The following RASEF variants were observed in gnomAD, a reference collection of about 807,000 sequenced individuals.
RASEF encodes the protein ras and EF-hand domain-containing protein.
In RASEF, 68 loss-of-function variants were observed where a neutral mutation model predicts 90.1. That is an observed-to-expected ratio of 0.75 (90% CI 0.62 to 0.92). The LOEUF is 0.92. Ranked by LOEUF, RASEF falls within the 40% of genes least tolerant of loss-of-function variation. RASEF has a pLI of 0.00. For synonymous variants in RASEF, 331 were observed against 345.2 expected, an observed-to-expected ratio of 0.96 and a Z score of 0.46; for missense variants, 949 against 937.2, an observed-to-expected ratio of 1.01 and a Z score of -0.16.
the RASEF span, among the ~76,000 whole-genome samples, chr9:83,144,393 AAAGAAAGAAAGAAAGAAAG>A: frequency 1.5e-4 from 21 of 144,118 alleles, 1 homozygote; most frequent in African/African-American, 4.4e-4. Context: ...GAAAGAAAGG[AAAGAAAGAAAGAAAGAAAG>A]AAAGAAAAGA....
chr9:83,016,869 T>G (rs1052766318), intron 3 of RASEF, among the ~76,000 whole-genome samples: 1 of 152,196 alleles, frequency 6.6e-6, no homozygotes, highest in African/African-American at 2.4e-5. Context: ...TTGCTAAACT[T>G]ATCCATGCCT....
chr9:83,186,351 T>G, the RASEF span, among the ~76,000 whole-genome samples: 2 of 152,206 alleles, frequency 1.3e-5, no homozygotes, highest in East Asian at 3.8e-4. Flanking sequence ...CTACATTTCA[T>G]GTTGCTTCCA....
chr9:83,095,724 C>T, the RASEF span, among the ~76,000 whole-genome samples: 24 of 152,002 alleles, frequency 1.6e-4, no homozygotes, highest in Middle Eastern at 6.8e-3. Context: ...GCATTTATCA[C>T]GTATTTTCTC....
chr9:83,064,329 G>C (rs1488585967), upstream of RASEF, among the ~76,000 whole-genome samples: 1 of 152,144 alleles, frequency 6.6e-6, no homozygotes, highest in African/African-American at 2.4e-5. Context: ...TAGAAGTCCT[G>C]GTCTTAGCAA....
chr9:83,052,919 TA>T (rs1830044737), intron 1 of RASEF, among the ~76,000 whole-genome samples: 1 of 148,752 alleles, frequency 6.7e-6, no homozygotes, highest in Admixed American at 6.7e-5. Context: ...TAGTTTGTTA[TA>T]ATTTCTGTTC....
At chr9:83,161,073 G>A in the RASEF span, among the ~76,000 whole-genome samples, 2 of 152,198 alleles carry the variant, frequency 1.3e-5, no homozygotes, top group African/African-American at 4.8e-5. Context: ...TGTCAGGGGA[G>A]TGCAGAAGGG....
At chr9:83,076,810 A>T in the RASEF span, among the ~76,000 whole-genome samples, 1 of 152,188 alleles carries the variant, frequency 6.6e-6, no homozygotes, top group Non-Finnish European at 1.5e-5. Flanking sequence ...TACTCACATA[A>T]TTCTTGAAAT....
the RASEF span, among the ~76,000 whole-genome samples, chr9:83,120,955 A>G: frequency 6.6e-6 from 1 of 152,206 alleles, no homozygotes; most frequent in Non-Finnish European, 1.5e-5. Context: ...CTCAGCTCTC[A>G]GGTTTTGTTA....
In RASEF at chr9:83,009,707, G is replaced by A; in HGVS notation, c.893C>T (p.Ala298Val). 6.2e-7 allele frequency: 1 copy of A among 1,613,536 alleles called. No homozygotes were observed. Among genetic ancestry groups the A allele is most frequent in the African/African-American group, 1.3e-5 (1 of 75,006 alleles). Residue 298 changes from alanine (A) to valine (V), a missense_variant, in exon 6 of 17, where the codon GCC becomes GTC. Ala to Val is a moderately conservative substitution (Grantham distance 64). Around this residue, in one of 3 missense-constraint regions of RASEF, gnomAD observed 656 missense variants for 592.2 expected, o/e 1.11. Coordinates refer to ENST00000376447, the MANE Select transcript of RASEF (RefSeq NM_152573.4). Reference sequence around the variant, plus strand: ...AGCATCTAACTCACTCTGAAGAAAGGCTATGTTTGTCTGTGCTTCTAAAAG... The same window carrying A: ...AGCATCTAACTCACTCTGAAGAAAGACTATGTTTGTCTGTGCTTCTAAAAG... ...KDLLEAQTNI[A>V]FLQSELDALK...
At position 83,037,242 on chromosome 9, in the gene RASEF, T is replaced by C. The variant is rs773058311; in HGVS notation, c.432-11321A>G. On this transcript the variant is annotated intron_variant, in intron 1 of 16. Coordinates refer to ENST00000376447, the MANE Select transcript of RASEF (RefSeq NM_152573.4). ...TGAAATGAGAGCTGTGTATATTGCC[T>C]GCACTAGCAGAAGAAGAACTTCAAA... Among the ~76,000 whole-genome samples the C allele has an allele frequency of 5.0e-4, 76 of 152,132 alleles. 1 individual carries two copies. Among genetic ancestry groups the C allele is most frequent in the Non-Finnish European group, 9.6e-4 (65 of 68,018 alleles).
At chr9:83,089,565 C>T in the RASEF span, among the ~76,000 whole-genome samples, 5 of 152,074 alleles carry the variant, frequency 3.3e-5, no homozygotes, top group African/African-American at 7.2e-5. Flanking sequence ...AGAAGTCTGT[C>T]GATCTTTTTC....
the RASEF span, among the ~76,000 whole-genome samples, chr9:83,193,439 A>G: frequency 6.6e-6 from 1 of 152,228 alleles, no homozygotes; most frequent in South Asian, 2.1e-4. Context: ...ATGGAATTTT[A>G]TGCAGAAAAT....
At chr9:83,130,233 G>C in the RASEF span, among the ~76,000 whole-genome samples, 2 of 152,140 alleles carry the variant, frequency 1.3e-5, no homozygotes, top group African/African-American at 4.8e-5. Context: ...ATCTATCCTT[G>C]TGTAATTTTT....
chr9:83,092,133 A>G, the RASEF span, among the ~76,000 whole-genome samples: 1 of 148,538 alleles, frequency 6.7e-6, no homozygotes, highest in African/African-American at 2.5e-5. Flanking sequence ...TTTAATTGCT[A>G]TGATGGAGAG....
At chr9:83,163,463 G>C in the RASEF span, among the ~76,000 whole-genome samples, 1 of 152,130 alleles carries the variant, frequency 6.6e-6, no homozygotes, top group Non-Finnish European at 1.5e-5. Context: ...ATATGATAAG[G>C]GCTCTACTGG....
chr9:83,027,859 G>C (rs1012694987), intron 1 of RASEF, among the ~76,000 whole-genome samples: 1 of 151,898 alleles, frequency 6.6e-6, no homozygotes, highest in East Asian at 1.9e-4. Context: ...CTATTCCCCA[G>C]CGTATCCATG....
chr9:83,118,937 G>A, the RASEF span, among the ~76,000 whole-genome samples: 5 of 151,842 alleles, frequency 3.3e-5, no homozygotes, highest in East Asian at 3.9e-4. Flanking sequence ...AGCATCCTAC[G>A]TCTTACAAAA....
chr9:83,123,308 C>T, the RASEF span, among the ~76,000 whole-genome samples: 1 of 151,596 alleles, frequency 6.6e-6, no homozygotes, highest in African/African-American at 2.4e-5. Flanking sequence ...AAGGTCATGC[C>T]TATCTATAAG....
At chr9:83,119,961 A>G in the RASEF span, among the ~76,000 whole-genome samples, 2 of 152,336 alleles carry the variant, frequency 1.3e-5, no homozygotes, top group Non-Finnish European at 1.5e-5. Context: ...GACCCTGTGG[A>G]CAAAGTTCTT....
Sources: allele counts gnomAD v4.1 joint callset (sites outside exome capture counted in the v4.1 genomes callset), GRCh38; gene constraint gnomAD v4.1.1; regional missense constraint gnomAD v4.1.1; transcripts MANE v1.5; gene names NCBI Gene and HGNC (gene_info 2026-07-23, HGNC 2026-07-21).